MORC1: variants seen among roughly 807,000 people sequenced by gnomAD.
The protein encoded by MORC1 is MORC family CW-type zinc finger 1.
MORC1 carries 59 observed loss-of-function variants against 134.9 expected under a neutral mutation model. The ratio of observed to expected loss-of-function variants is 0.44; its 90% confidence interval spans 0.35 to 0.54. The LOEUF is 0.54. Ranked by LOEUF, MORC1 falls within the 20% of genes least tolerant of loss-of-function variation. MORC1 has a pLI of 0.00. For missense variants in MORC1, 947 were observed against 1,134.5 expected, an observed-to-expected ratio of 0.83 and a Z score of 2.37; for synonymous variants, 395 against 391.7, an observed-to-expected ratio of 1.01 and a Z score of -0.10.
At chr3:108,992,722 T>C (rs1948098199) in intron 21 of MORC1, among the ~76,000 whole-genome samples, 1 of 152,210 alleles carries the variant, frequency 6.6e-6, no homozygotes, top group East Asian at 1.9e-4. Flanking sequence ...AACTGCCTCA[T>C]CTCTCTCTGC....
chr3:109,007,963 G>A (rs1032474500), intron 17 of MORC1, among the ~76,000 whole-genome samples: 1 of 151,804 alleles, frequency 6.6e-6, no homozygotes, highest in African/African-American at 2.4e-5. Flanking sequence ...GTGTGTGTGT[G>A]TATACATATA....
chr3:109,000,716 C>A, intron 20 of MORC1, 58 bp from the exon 21 acceptor site: 1 of 1,229,030 alleles, frequency 8.1e-7, no homozygotes, highest in Non-Finnish European at 1.2e-6. Context: ...ATGGTACATA[C>A]TAAACTACCT....
At chr3:109,073,241 G>A (rs1950355405) in intron 8 of MORC1, among the ~76,000 whole-genome samples, 1 of 152,166 alleles carries the variant, frequency 6.6e-6, no homozygotes, top group Non-Finnish European at 1.5e-5. Context: ...ATCATGGGTG[G>A]ATCAATGTGT....
At position 108,993,353 on chromosome 3, in the gene MORC1, G is replaced by C. The variant is rs546367389; in HGVS notation, c.2188-6404C>G. Among the ~76,000 whole-genome samples the C allele has an allele frequency of 1.8e-4, 27 of 152,210 alleles. No homozygotes were observed. The East Asian group carries it at 5.0e-3, about 28-fold the overall frequency. On this transcript the variant is annotated intron_variant, in intron 21 of 27. Transcript: ENST00000232603. Reference sequence around the variant, plus strand: ...TAGATTCCTTATAAGTCATCCACAAGGTTTTTCCTTAGATCAGGGACTATA... The same window carrying C: ...TAGATTCCTTATAAGTCATCCACAACGTTTTTCCTTAGATCAGGGACTATA...
intron 17 of MORC1, among the ~76,000 whole-genome samples, chr3:109,023,826 G>GA (rs372902980): frequency 1.3e-5 from 2 of 152,166 alleles, no homozygotes; most frequent in African/African-American, 2.4e-5. Flanking sequence ...GCAATCCAGT[G>GA]AAACAATAGA....
intron 21 of MORC1, among the ~76,000 whole-genome samples, chr3:108,994,224 T>G (rs939386752): frequency 6.6e-6 from 1 of 151,662 alleles, no homozygotes; most frequent in African/African-American, 2.4e-5. Context: ...AAATACAAGG[T>G]TTCATTGCCA....
intron 20 of MORC1, among the ~76,000 whole-genome samples, chr3:109,003,770 A>G (rs1948467192): frequency 6.6e-6 from 1 of 152,214 alleles, no homozygotes; most frequent in African/African-American, 2.4e-5. Flanking sequence ...CTTGGCTCAT[A>G]TAGTCTCAAG....
intron 20 of MORC1, among the ~76,000 whole-genome samples, chr3:109,001,187 C>T (rs1201779337): frequency 6.6e-6 from 1 of 151,880 alleles, no homozygotes; most frequent in Non-Finnish European, 1.5e-5. Context: ...GGCTGGAGTG[C>T]AGTGGTGTGA....
chr3:109,115,577 A>C (rs1951253528), intron 1 of MORC1, among the ~76,000 whole-genome samples: 1 of 152,238 alleles, frequency 6.6e-6, no homozygotes, highest in Non-Finnish European at 1.5e-5. Context: ...CAGGACTTTA[A>C]ATCACAAGCC....
At chr3:109,077,413 G>T (rs1437737234) in intron 8 of MORC1, among the ~76,000 whole-genome samples, 2 of 152,060 alleles carry the variant, frequency 1.3e-5, no homozygotes, top group African/African-American at 4.8e-5. Flanking sequence ...AATTTTAAAA[G>T]GTGGAACTGG....
At chr3:109,050,416 A>G (rs1949795131) in intron 14 of MORC1, among the ~76,000 whole-genome samples, 1 of 152,184 alleles carries the variant, frequency 6.6e-6, no homozygotes. Context: ...TCACTTGAAC[A>G]TCACATGGAG....
intron 9 of MORC1, among the ~76,000 whole-genome samples, chr3:109,063,956 G>A (rs568624183): frequency 6.6e-6 from 1 of 152,020 alleles, no homozygotes; most frequent in Non-Finnish European, 1.5e-5. Context: ...AAAAATTCTA[G>A]AATAATATTT....
At chr3:109,097,565 T>C (rs1950852007) in intron 6 of MORC1, among the ~76,000 whole-genome samples, 1 of 152,056 alleles carries the variant, frequency 6.6e-6, no homozygotes, top group African/African-American at 2.4e-5. Context: ...GATCACAGGA[T>C]GGCAGCTGAA....
intron 8 of MORC1, among the ~76,000 whole-genome samples, chr3:109,077,631 A>G (rs781449152): frequency 3.3e-5 from 5 of 152,104 alleles, no homozygotes; most frequent in Non-Finnish European, 7.4e-5. Context: ...TTTGGGAAAA[A>G]AACCACAACT....
chr3:109,069,029 G>A (rs1473652979), intron 9 of MORC1, among the ~76,000 whole-genome samples: 4 of 149,288 alleles, frequency 2.7e-5, no homozygotes, highest in East Asian at 2.0e-4. Flanking sequence ...GGTGGTGCAC[G>A]CCTGTAATCC....
chr3:109,085,317 G>A (rs1464014641), intron 8 of MORC1, among the ~76,000 whole-genome samples: 2 of 152,084 alleles, frequency 1.3e-5, no homozygotes, highest in Non-Finnish European at 2.9e-5. Context: ...ACAAAGTGAT[G>A]AGACAACCTG....
At chr3:108,960,305 G>T (rs1025611502) in intron 27 of MORC1, among the ~76,000 whole-genome samples, 1 of 152,112 alleles carries the variant, frequency 6.6e-6, no homozygotes, top group African/African-American at 2.4e-5. Flanking sequence ...CCACTCAATG[G>T]GTGCCAAAAC....
chr3:108,987,968 C>T (rs180837617), intron 21 of MORC1, among the ~76,000 whole-genome samples: 12 of 152,156 alleles, frequency 7.9e-5, no homozygotes, highest in East Asian at 3.9e-4. Flanking sequence ...CTGATACGCA[C>T]GCAACCATGT....
chr3:109,115,514 A>C (rs1951251958), intron 1 of MORC1, among the ~76,000 whole-genome samples: 1 of 152,198 alleles, frequency 6.6e-6, no homozygotes, highest in Non-Finnish European at 1.5e-5. Flanking sequence ...AAAGAAAGCC[A>C]TTATAAAAAT....
Sources: gnomAD v4.1 joint callset for allele counts (sites outside exome capture counted in the v4.1 genomes callset) on GRCh38, gnomAD v4.1.1 for gene constraint, MANE v1.5 for transcripts, NCBI Gene and HGNC (gene_info 2026-07-23, HGNC 2026-07-21) for gene names.